DENND1A: variants seen among roughly 807,000 people sequenced by gnomAD.
DENND1A encodes the protein DENN domain containing 1A.
DENND1A carries 51 observed loss-of-function variants against 113.7 expected under a neutral mutation model. That is an observed-to-expected ratio of 0.45 (90% CI 0.36 to 0.57). The LOEUF (loss-of-function observed/expected upper bound fraction) is 0.57. Among genes scored for constraint, DENND1A ranks in the 20% least tolerant of loss-of-function variants. The probability of loss-of-function intolerance (pLI) is 0.00; values close to 1 mark genes in which losing one functional copy is unlikely to be tolerated. For synonymous variants in DENND1A, 565 were observed against 570.8 expected (o/e 0.99, Z 0.14); for missense variants, 1,258 against 1,395.9 (o/e 0.90, Z 1.57).
chr9:123,382,911 G>A (rs950367627), intron 23 of DENND1A, among the ~76,000 whole-genome samples: 9 of 151,896 alleles, frequency 5.9e-5, no homozygotes, highest in Non-Finnish European at 1.3e-4. Context: ...GCTACCGGCT[G>A]GCCCTTTTTA....
intron 2 of DENND1A, among the ~76,000 whole-genome samples, chr9:123,793,474 C>T (rs1833312574): frequency 6.6e-6 from 1 of 152,124 alleles, no homozygotes; most frequent in South Asian, 2.1e-4. Context: ...GATTTGATTC[C>T]TTTGAGACAT....
At chr9:123,387,696 C>A in intron 22 of DENND1A, 34 bp downstream of exon 22, 1 of 1,286,958 alleles carries the variant, frequency 7.8e-7, no homozygotes, top group Non-Finnish European at 1.0e-6. Context: ...GTCACCAAGC[C>A]GAGCTCAGGG....
intron 10 of DENND1A, among the ~76,000 whole-genome samples, chr9:123,622,828 T>C (rs575275558): frequency 8.3e-4 from 127 of 152,326 alleles, no homozygotes; most frequent in African/African-American, 2.9e-3. Context: ...GTGATTATTA[T>C]GAAAGGGAAT....
rs753300648 is a variant in DENND1A, at chr9:123,557,602, C to T, written c.961G>A (p.Gly321Ser). ...AFLKAQAAFF[G>S]SYRNALKIEP... Reference sequence around the variant, plus strand: ...ATTTTCAGAGCGTTTCGGTAGCTACCGAAGAAAGCAGCCTGGGCCTTGAGG... The same window carrying T: ...ATTTTCAGAGCGTTTCGGTAGCTACTGAAGAAAGCAGCCTGGGCCTTGAGG... The change falls in exon 13 of 24, where the codon GGT becomes AGT. Residue 321 changes from glycine (G) to serine (S), a missense_variant. Gly to Ser is a moderately conservative substitution (Grantham distance 56, BLOSUM62 0). Around this residue, in one of 2 missense-constraint regions of DENND1A, gnomAD observed 1,159 missense variants for 1,231.7 expected, o/e 0.94. Transcript: ENST00000394215. The T allele has an allele frequency of 1.5e-5, 25 of 1,613,868 alleles. No homozygotes were observed. Among genetic ancestry groups the T allele is most frequent in the Non-Finnish European group, 1.9e-5 (23 of 1,179,972 alleles).
intron 10 of DENND1A, among the ~76,000 whole-genome samples, chr9:123,610,053 ACATGCCATCC>A (rs914473823): frequency 3.3e-5 from 5 of 152,228 alleles, no homozygotes; most frequent in African/African-American, 1.2e-4. Context: ...CCAGTTGCAC[ACATGCCATCC>A]CATGACACTA....
intron 10 of DENND1A, among the ~76,000 whole-genome samples, chr9:123,623,195 T>C (rs1199133633): frequency 2.6e-5 from 4 of 152,156 alleles, no homozygotes; most frequent in Admixed American, 2.0e-4. Context: ...AGATGAATTA[T>C]AAAGTTTTCC....
chr9:123,559,620 C>T (rs534932494), intron 12 of DENND1A, among the ~76,000 whole-genome samples: 6 of 152,262 alleles, frequency 3.9e-5, no homozygotes, highest in African/African-American at 1.2e-4. Flanking sequence ...AAATGATCCA[C>T]GCACATTAGG....
intron 1 of DENND1A, among the ~76,000 whole-genome samples, chr9:123,890,304 T>G (rs1024003025): frequency 6.6e-6 from 1 of 152,158 alleles, no homozygotes; most frequent in African/African-American, 2.4e-5. Flanking sequence ...GCCACAGACT[T>G]CTCTGAGGAG....
intron 2 of DENND1A, among the ~76,000 whole-genome samples, chr9:123,834,705 T>A (rs1840792698): frequency 6.6e-6 from 1 of 152,156 alleles, no homozygotes; most frequent in Non-Finnish European, 1.5e-5. Flanking sequence ...GACTTCTCAA[T>A]GATAGACGAG....
chr9:123,721,668 C>G (rs1413815158), intron 5 of DENND1A, among the ~76,000 whole-genome samples: 1 of 152,192 alleles, frequency 6.6e-6, no homozygotes, highest in Admixed American at 6.5e-5. Context: ...ATGAATCAGT[C>G]TCATGAGATC....
chr9:123,636,783 C>A (rs1318513580), intron 9 of DENND1A, among the ~76,000 whole-genome samples: 1 of 150,780 alleles, frequency 6.6e-6, no homozygotes, highest in African/African-American at 2.5e-5. Flanking sequence ...TCACCACAAC[C>A]TCTGCCTGCC....
chr9:123,560,432 T>A (rs1318235943), intron 12 of DENND1A, among the ~76,000 whole-genome samples: 4 of 152,126 alleles, frequency 2.6e-5, no homozygotes, highest in Non-Finnish European at 5.9e-5. Flanking sequence ...CATGGGGACG[T>A]GCCCAGCGCT....
chr9:123,740,942 G>GAGAGAGAGAGAGAGAGAA (rs2068971187), intron 5 of DENND1A, among the ~76,000 whole-genome samples: 4 of 146,670 alleles, frequency 2.7e-5, no homozygotes, highest in African/African-American at 5.1e-5. Flanking sequence ...GAGAGAGAGA[G>GAGAGAGAGAGAGAGAGAA]TATGGACAGG....
At chr9:123,504,469 G>A (rs61235259) in intron 13 of DENND1A, among the ~76,000 whole-genome samples, 14,553 of 152,202 alleles carry the variant, frequency 0.096, 730 homozygotes, top group African/African-American at 0.11. Flanking sequence ...AGGAGCCACT[G>A]GAAAATGACA....
intron 2 of DENND1A, among the ~76,000 whole-genome samples, chr9:123,810,046 G>A (rs565842044): frequency 9.9e-5 from 15 of 152,184 alleles, no homozygotes; most frequent in Non-Finnish European, 1.6e-4. Flanking sequence ...TTCATTATCT[G>A]GAGGGGTTTC....
intron 15 of DENND1A, among the ~76,000 whole-genome samples, chr9:123,455,752 G>A (rs1241601708): frequency 6.6e-6 from 1 of 152,080 alleles, no homozygotes; most frequent in Non-Finnish European, 1.5e-5. Context: ...TTAAATGGTG[G>A]GTCTTAACCT....
intron 20 of DENND1A, among the ~76,000 whole-genome samples, chr9:123,410,830 T>C (rs993501941): frequency 6.6e-6 from 1 of 152,164 alleles, no homozygotes; most frequent in African/African-American, 2.4e-5. Context: ...CACTGAATGG[T>C]AGATGGAGAA....
At chr9:123,551,322 C>T (rs1248480235) in intron 13 of DENND1A, among the ~76,000 whole-genome samples, 2 of 152,180 alleles carry the variant, frequency 1.3e-5, no homozygotes, top group Non-Finnish European at 2.9e-5. Context: ...CAAATGCTTC[C>T]CTATTCCCTA....
intron 11 of DENND1A, among the ~76,000 whole-genome samples, chr9:123,589,932 GCAA>G (rs919972051): frequency 6.6e-6 from 1 of 152,190 alleles, no homozygotes; most frequent in African/African-American, 2.4e-5. Context: ...CTTACTGTAG[GCAA>G]CTGGCTTGAC....
Sources: gnomAD v4.1 joint callset for allele counts (sites outside exome capture counted in the v4.1 genomes callset) on GRCh38, gnomAD v4.1.1 for gene constraint, gnomAD v4.1.1 regional missense constraint, MANE v1.5 for transcripts, NCBI Gene and HGNC (gene_info 2026-07-23, HGNC 2026-07-21) for gene names.